XRCC4: variants seen among roughly 807,000 people sequenced by gnomAD.
XRCC4 encodes the protein DNA repair protein XRCC4.
XRCC4 carries 28 observed loss-of-function variants against 39.1 expected under a neutral mutation model. That is an observed-to-expected ratio of 0.72 (90% confidence interval 0.53 to 0.98). XRCC4 has a LOEUF of 0.98. XRCC4 is among the 50% of genes least tolerant of loss of function. XRCC4 has a pLI of 0.00. For synonymous variants in XRCC4, 123 were observed against 126.4 expected (o/e 0.97, Z 0.18); for missense variants, 350 against 376.4 (o/e 0.93, Z 0.58).
intron 3 of XRCC4, among the ~76,000 whole-genome samples, chr5:83,175,227 A>G (rs1387776560): frequency 6.6e-6 from 1 of 152,180 alleles, no homozygotes; most frequent in Non-Finnish European, 1.5e-5. Flanking sequence ...AGTAAATGTT[A>G]TTTAGTAGTA....
Position 83,141,275 on chromosome 5 carries a change from A to G in XRCC4, c.315+30072A>G, listed in dbSNP as rs569415163. ...TAAACAACACTGCAATGAATAACCT[A>G]TGTATTTTTGTATTGTTGAAGGTTT... On this transcript the variant is annotated intron_variant, in intron 3 of 7. Coordinates refer to ENST00000396027, the MANE Select transcript of XRCC4 (RefSeq NM_003401.5). 4.6e-5 allele frequency among the ~76,000 whole-genome samples: 7 copies of G among 152,232 alleles called. 1 individual carries two copies. In the South Asian group the frequency reaches 1.0e-3, roughly 23 times the overall value.
At position 83,340,939 on chromosome 5, in the gene XRCC4, G is replaced by A. The variant is rs572211644; in HGVS notation, c.894-12192G>A. Among the ~76,000 whole-genome samples the A allele has an allele frequency of 1.1e-4, 16 of 152,160 alleles. No homozygotes were observed. The East Asian group carries it at 3.1e-3, about 29-fold the overall frequency. On this transcript the variant is annotated intron_variant, in intron 7 of 7. Transcript: ENST00000396027. ...ACTTCTCTTGATAGCTAAAAGTAGA[G>A]TTCTGTTTTCTTTTTTGTGTATTTC...
At chr5:83,166,824 ACTT>A (rs1247854440) in intron 3 of XRCC4, among the ~76,000 whole-genome samples, 1 of 150,896 alleles carries the variant, frequency 6.6e-6, no homozygotes, top group Admixed American at 6.6e-5. Flanking sequence ...TTATTTTTTG[ACTT>A]TTAAATGATA....
intron 6 of XRCC4, among the ~76,000 whole-genome samples, chr5:83,227,441 T>C (rs909538016): frequency 2.0e-5 from 3 of 152,138 alleles, no homozygotes; most frequent in African/African-American, 7.2e-5. Flanking sequence ...CAAACTAGTG[T>C]TGAACATGTT....
At chr5:83,212,919 T>A in intron 6 of XRCC4, among the ~76,000 whole-genome samples, 1 of 134,088 alleles carries the variant, frequency 7.5e-6, no homozygotes, top group Non-Finnish European at 1.6e-5. Context: ...AGAATGAGAT[T>A]CCATCTAAAA....
chr5:83,118,675 C>CGTGAA (rs1348433019), intron 3 of XRCC4, among the ~76,000 whole-genome samples: 1 of 152,166 alleles, frequency 6.6e-6, no homozygotes, highest in African/African-American at 2.4e-5. Context: ...CATGGCTTCA[C>CGTGAA]CTAGCTGCAA....
intron 7 of XRCC4, among the ~76,000 whole-genome samples, chr5:83,261,699 A>G (rs1464509308): frequency 6.6e-6 from 1 of 151,604 alleles, no homozygotes; most frequent in African/African-American, 2.4e-5. Context: ...AAAGGATTAT[A>G]CTAGATGATC....
chr5:83,365,455 G>A, the XRCC4 span, among the ~76,000 whole-genome samples: 6 of 152,188 alleles, frequency 3.9e-5, no homozygotes, highest in Non-Finnish European at 2.9e-5. Flanking sequence ...CACATGGTGA[G>A]TGTTCCACAC....
At chr5:83,301,136 A>T (rs1174836431) in intron 7 of XRCC4, among the ~76,000 whole-genome samples, 1 of 152,106 alleles carries the variant, frequency 6.6e-6, no homozygotes, top group Admixed American at 6.5e-5. Flanking sequence ...CTGGTTCTGG[A>T]TCCTTGATGA....
intron 2 of XRCC4, among the ~76,000 whole-genome samples, chr5:83,108,415 T>C (rs1459183138): frequency 6.6e-6 from 1 of 151,906 alleles, no homozygotes; most frequent in South Asian, 2.1e-4. Flanking sequence ...TTTTTTCTCC[T>C]TCAAAAATTA....
At chr5:83,192,503 G>T (rs1750757037) in intron 3 of XRCC4, among the ~76,000 whole-genome samples, 1 of 151,710 alleles carries the variant, frequency 6.6e-6, no homozygotes, top group African/African-American at 2.4e-5. Context: ...TAGAGACAGG[G>T]TTTCACCATG....
At chr5:83,294,501 C>T (rs1755029556) in intron 7 of XRCC4, among the ~76,000 whole-genome samples, 1 of 151,944 alleles carries the variant, frequency 6.6e-6, no homozygotes, top group Admixed American at 6.6e-5. Context: ...ACTGGCTAAA[C>T]AAAAATGTTT....
intron 7 of XRCC4, among the ~76,000 whole-genome samples, chr5:83,300,336 TTCTC>T (rs966112920): frequency 2.0e-4 from 31 of 152,218 alleles, no homozygotes; most frequent in East Asian, 1.9e-4. Flanking sequence ...TATGTTCTCT[TTCTC>T]TCTCTCTTTC....
chr5:83,354,639 T>TAAAACATC (rs1400941247), downstream of XRCC4, among the ~76,000 whole-genome samples: 43 of 152,154 alleles, frequency 2.8e-4, 1 homozygote, highest in Non-Finnish European at 5.7e-4. Flanking sequence ...TCTTTAGATG[T>TAAAACATC]TTTAGCATAT....
At chr5:83,135,991 A>G (rs1300453586) in intron 3 of XRCC4, among the ~76,000 whole-genome samples, 1 of 152,124 alleles carries the variant, frequency 6.6e-6, no homozygotes, top group African/African-American at 2.4e-5. Flanking sequence ...ATATTTGTAT[A>G]TTCCTATACA....
chr5:83,105,107 C>A, intron 2 of XRCC4, 49 bp downstream of exon 2: 1 of 1,551,176 alleles, frequency 6.4e-7, no homozygotes, highest in South Asian at 1.2e-5. Context: ...GTGTGCTATT[C>A]TTCAGTCCTC....
At chr5:83,357,723 G>A (rs1040830884), downstream of XRCC4, among the ~76,000 whole-genome samples, 3 of 152,174 alleles carry the variant, frequency 2.0e-5, no homozygotes, top group Non-Finnish European at 2.9e-5. Context: ...CCTTGGGAAG[G>A]TATGAGCTGC....
intron 6 of XRCC4, among the ~76,000 whole-genome samples, chr5:83,241,774 T>G (rs1348665935): frequency 2.6e-5 from 4 of 152,204 alleles, no homozygotes; most frequent in Non-Finnish European, 5.9e-5. Flanking sequence ...TTATGTTTTA[T>G]GTACTATATA....
intron 6 of XRCC4, among the ~76,000 whole-genome samples, chr5:83,249,728 G>A (rs370139176): frequency 1.1e-4 from 15 of 136,546 alleles, no homozygotes; most frequent in Non-Finnish European, 2.1e-4. Context: ...AGATAATCAT[G>A]CCAATAATTT....
Sources: allele counts gnomAD v4.1 joint callset (sites outside exome capture counted in the v4.1 genomes callset), GRCh38; gene constraint gnomAD v4.1.1; transcripts MANE v1.5; gene names NCBI Gene and HGNC (gene_info 2026-07-23, HGNC 2026-07-21).